The following HSF5 variants were observed in gnomAD, a reference collection of about 807,000 sequenced individuals.
HSF5 encodes heat shock transcription factor 5, also known as heat shock factor protein 5.
A neutral mutation model predicts 50.8 loss-of-function variants in HSF5; 5 were observed. The ratio of observed to expected loss-of-function variants is 0.10; its 90% CI spans 0.05 to 0.21. The LOEUF (loss-of-function observed/expected upper bound fraction) is 0.21, where lower values mean the gene tolerates loss of function less well. HSF5 is among the 10% of genes least tolerant of loss of function. HSF5 has a pLI of 1.00. For synonymous variants in HSF5, 307 were observed against 307.4 expected, an observed-to-expected ratio of 1.00 and a Z score of 0.02; for missense variants, 564 against 762.6, an observed-to-expected ratio of 0.74 and a Z score of 3.07.
chr17:58,427,770 A>C (rs1349447209), intron 5 of HSF5, among the ~76,000 whole-genome samples: 1 of 152,192 alleles, frequency 6.6e-6, no homozygotes, highest in Non-Finnish European at 1.5e-5. Flanking sequence ...GTGCCTCCTC[A>C]CTCTCCTAAG....
At position 58,450,338 on chromosome 17, in the gene HSF5, CAAAAAAAA is replaced by C. The variant is rs758990551; in HGVS notation, c.1720+8422_1720+8429del. Among the ~76,000 whole-genome samples the C allele has an allele frequency of 7.7e-5, 4 of 51,968 alleles. No individual in the cohort carries two copies. In the East Asian group the frequency reaches 2.0e-3, roughly 26 times the overall value. The allele number at this position is 51,968 out of a possible 152,430, so 34.1% of individuals were successfully genotyped here. On this transcript the variant is annotated intron_variant, in intron 5 of 5. Coordinates refer to ENST00000323777, the MANE Select transcript of HSF5 (RefSeq NM_001080439.3). ...TGGGTGAGAGAGTGAGACTTTGTCTCAAAAAAAAAAAAAAAAAAAAAAAAAGATATGCA... is the reference window on the plus strand; with the variant it reads ...TGGGTGAGAGAGTGAGACTTTGTCTCAAAAAAAAAAAAAAAAAGATATGCA...
intron 1 of HSF5, among the ~76,000 whole-genome samples, chr17:58,486,058 G>A (rs1484778828): frequency 6.8e-6 from 1 of 146,698 alleles, no homozygotes; most frequent in African/African-American, 2.5e-5. Context: ...AACACAGTGA[G>A]ACTTAATCTC....
intron 5 of HSF5, among the ~76,000 whole-genome samples, chr17:58,427,298 CT>C (rs2143724963): frequency 6.6e-6 from 1 of 152,136 alleles, no homozygotes; most frequent in Non-Finnish European, 1.5e-5. Context: ...TCAAATAAAG[CT>C]TCAAGTGTGA....
At chr17:58,480,296 T>C (rs753073119) in intron 1 of HSF5, 29 bp from the exon 2 acceptor site, 15 of 1,560,678 alleles carry the variant, frequency 9.6e-6, no homozygotes, top group Non-Finnish European at 1.3e-5. Flanking sequence ...GCACATTTAC[T>C]AATTTTGCAT....
intron 1 of HSF5, among the ~76,000 whole-genome samples, chr17:58,482,042 T>C (rs1975104342): frequency 6.6e-6 from 1 of 152,078 alleles, no homozygotes; most frequent in Non-Finnish European, 1.5e-5. Flanking sequence ...GAGTTCAAGG[T>C]TACAGTGAAC....
intron 5 of HSF5, among the ~76,000 whole-genome samples, chr17:58,450,481 C>T (rs1013826649): frequency 2.0e-5 from 3 of 151,856 alleles, no homozygotes; most frequent in Admixed American, 2.0e-4. Context: ...AGGCCAGGTG[C>T]AATGGCTCAC....
At chr17:58,449,107 T>G (rs1974600501) in intron 5 of HSF5, among the ~76,000 whole-genome samples, 1 of 152,172 alleles carries the variant, frequency 6.6e-6, no homozygotes, top group Non-Finnish European at 1.5e-5. Context: ...TTTGTAGGCC[T>G]TGTGGTAATC....
chr17:58,444,538 C>T (rs543484470), intron 5 of HSF5, among the ~76,000 whole-genome samples: 46 of 152,158 alleles, frequency 3.0e-4, no homozygotes, highest in Admixed American at 1.3e-4. Flanking sequence ...AAGTTAAACG[C>T]TTACACCATA....
chr17:58,459,598 G>A (rs1358549054), intron 4 of HSF5, among the ~76,000 whole-genome samples: 1 of 147,106 alleles, frequency 6.8e-6, no homozygotes, highest in African/African-American at 2.5e-5. Flanking sequence ...AGTGAGCCGA[G>A]ATTGTACCAC....
intron 2 of HSF5, among the ~76,000 whole-genome samples, chr17:58,473,145 G>T (rs578112619): frequency 6.6e-6 from 1 of 152,166 alleles, no homozygotes; most frequent in East Asian, 1.9e-4. Context: ...CTGTGCCTCA[G>T]TTTCCTCATC....
At chr17:58,444,375 C>T (rs1974532334) in intron 5 of HSF5, among the ~76,000 whole-genome samples, 1 of 152,058 alleles carries the variant, frequency 6.6e-6, no homozygotes, top group Non-Finnish European at 1.5e-5. Flanking sequence ...TAAATTCAGC[C>T]AAATATATCA....
At chr17:58,431,228 C>T (rs1974360936) in intron 5 of HSF5, among the ~76,000 whole-genome samples, 1 of 152,126 alleles carries the variant, frequency 6.6e-6, no homozygotes, top group Non-Finnish European at 1.5e-5. Flanking sequence ...TGTAAATTGC[C>T]CAGTCTCGGG....
At chr17:58,434,415 A>G (rs1466066855) in intron 5 of HSF5, among the ~76,000 whole-genome samples, 1 of 151,954 alleles carries the variant, frequency 6.6e-6, no homozygotes, top group Non-Finnish European at 1.5e-5. Flanking sequence ...TGGATGTGGC[A>G]GCGCGTGCCT....
intron 2 of HSF5, chr17:58,476,561 G>A (rs1460550068): frequency 4.1e-6 from 6 of 1,466,184 alleles, no homozygotes; most frequent in African/African-American, 1.4e-5. Flanking sequence ...TAAGGATTTT[G>A]ATCAAAATAA....
At chr17:58,449,411 C>T (rs570437120) in intron 5 of HSF5, among the ~76,000 whole-genome samples, 2 of 152,346 alleles carry the variant, frequency 1.3e-5, no homozygotes, top group South Asian at 2.1e-4. Context: ...AAGATACGCA[C>T]ACAATGTGCC....
At chr17:58,479,781 A>G (rs992637046) in intron 2 of HSF5, 112 bp downstream of exon 2, 2 of 897,750 alleles carry the variant, frequency 2.2e-6, no homozygotes. Context: ...TTAGGTGTAC[A>G]TTCCTACTGT....
intron 3 of HSF5, 135 bp from the exon 4 acceptor site, chr17:58,463,438 C>T: frequency 2.9e-6 from 2 of 694,792 alleles, no homozygotes; most frequent in Admixed American, 5.8e-5. Context: ...AACCTAGACA[C>T]TAATCTACTT....
At chr17:58,471,501 ACT>A (rs1422215676) in intron 2 of HSF5, among the ~76,000 whole-genome samples, 2 of 152,204 alleles carry the variant, frequency 1.3e-5, no homozygotes, top group East Asian at 1.9e-4. Context: ...ATAATCAGTA[ACT>A]TTTTTTGCCC....
chr17:58,455,975 T>TTG (rs1347483061), intron 5 of HSF5, among the ~76,000 whole-genome samples: 1 of 152,202 alleles, frequency 6.6e-6, no homozygotes, highest in African/African-American at 2.4e-5. Flanking sequence ...GCAGTCCCAC[T>TTG]ACTGGATGTA....
Sources: gnomAD v4.1 joint callset for allele counts (sites outside exome capture counted in the v4.1 genomes callset) on GRCh38, gnomAD v4.1.1 for gene constraint, MANE v1.5 for transcripts, NCBI Gene and HGNC (gene_info 2026-07-23, HGNC 2026-07-21) for gene names.